TSC22D1: variants seen among roughly 807,000 people sequenced by gnomAD.
TSC22D1 encodes TSC22 domain family member 1, also known as TSC22 domain family protein 1.
In TSC22D1, 9 loss-of-function variants were observed where a neutral mutation model predicts 74.2. That is an observed-to-expected ratio of 0.12 (90% CI 0.07 to 0.21). TSC22D1 has a LOEUF of 0.21. TSC22D1 is among the 10% of genes least tolerant of loss of function. The pLI is 1.00. For missense variants in TSC22D1, 1,427 were observed against 1,304.7 expected (o/e 1.09, Z -1.44); for synonymous variants, 586 against 492.5 (o/e 1.19, Z -2.51).
At chr13:44,482,917 T>A (rs1420131767) in intron 1 of TSC22D1, among the ~76,000 whole-genome samples, 1 of 152,228 alleles carries the variant, frequency 6.6e-6, no homozygotes, top group African/African-American at 2.4e-5. Flanking sequence ...GAAAGATATT[T>A]ATGCTTCACA....
At chr13:44,509,954 A>AAAAAAAAAAAAAAAAAAAC in intron 1 of TSC22D1, among the ~76,000 whole-genome samples, 3 of 147,514 alleles carry the variant, frequency 2.0e-5, no homozygotes, top group African/African-American at 5.0e-5. Context: ...AATAAGCAAA[A>AAAAAAAAAAAAAAAAAAAC]AAAAAAAAAA....
intron 1 of TSC22D1, among the ~76,000 whole-genome samples, chr13:44,549,570 C>T (rs896435397): frequency 6.6e-6 from 1 of 152,020 alleles, no homozygotes; most frequent in East Asian, 1.9e-4. Context: ...CTCAGGAGTT[C>T]AAGACCAGCC....
chr13:44,488,749 C>T (rs1878567680), intron 1 of TSC22D1, among the ~76,000 whole-genome samples: 2 of 151,980 alleles, frequency 1.3e-5, no homozygotes, highest in African/African-American at 4.8e-5. Context: ...ATACCATTGA[C>T]AAAAGAAACA....
chr13:44,513,245 GTCTC>G (rs1271955083), intron 1 of TSC22D1, among the ~76,000 whole-genome samples: 3 of 152,278 alleles, frequency 2.0e-5, no homozygotes, highest in South Asian at 2.1e-4. Context: ...AGAAGGGATT[GTCTC>G]TCTGATACCA....
intron 1 of TSC22D1, among the ~76,000 whole-genome samples, chr13:44,553,409 C>T (rs1041493306): frequency 2.0e-5 from 3 of 151,476 alleles, no homozygotes. Flanking sequence ...TTATAGATTT[C>T]AAAATCCAGT....
chr13:44,536,943 A>AAAAAC, intron 1 of TSC22D1: 1 of 931,006 alleles, frequency 1.1e-6, no homozygotes, highest in Non-Finnish European at 1.3e-6. Flanking sequence ...AAAAAAAAAA[A>AAAAAC]AAAAAAAAAA....
intron 1 of TSC22D1, chr13:44,474,308 C>T (rs1877772602): frequency 1.0e-6 from 1 of 984,668 alleles, no homozygotes; most frequent in African/African-American, 1.7e-5. Context: ...GCCCAACTGA[C>T]ACTCCTGGTG....
chr13:44,540,719 G>C (rs1177388615), intron 1 of TSC22D1, among the ~76,000 whole-genome samples: 2 of 152,112 alleles, frequency 1.3e-5, no homozygotes, highest in African/African-American at 4.8e-5. Context: ...AAAGATACTA[G>C]AAAATAGTTA....
intron 1 of TSC22D1, chr13:44,437,202 C>A: frequency 2.0e-6 from 2 of 985,528 alleles, no homozygotes; most frequent in Non-Finnish European, 2.4e-6. Flanking sequence ...CCCCGGTCCC[C>A]GGAGCTGTGT....
intron 1 of TSC22D1, chr13:44,436,711 T>G: frequency 2.6e-6 from 4 of 1,521,720 alleles, no homozygotes; most frequent in African/African-American, 1.4e-5. Flanking sequence ...TCTTCTGGCT[T>G]TCCGCAGCCC....
intron 1 of TSC22D1, among the ~76,000 whole-genome samples, chr13:44,525,586 C>T (rs1054879773): frequency 6.6e-6 from 1 of 152,004 alleles, no homozygotes; most frequent in Admixed American, 6.6e-5. Context: ...AAGACCCTGT[C>T]TCTAAAAAAG....
chr13:44,512,320 T>C (rs1370045726), intron 1 of TSC22D1, among the ~76,000 whole-genome samples: 1 of 150,436 alleles, frequency 6.6e-6, no homozygotes, highest in African/African-American at 2.4e-5. Context: ...CAGGCGCCCA[T>C]CACCGCGCCC....
Position 44,574,213 on chromosome 13 carries a change from G to A in TSC22D1, c.1862C>T (p.Ala621Val). The A allele has an allele frequency of 6.2e-7, 1 of 1,614,240 alleles. No individual in the cohort carries two copies. The highest frequency in any genetic ancestry group is 8.5e-7 in the Non-Finnish European group (1 of 1,180,044). ...ATACTGTAACTGTTGGGGTGGTGGTGCCCCTGGAAGGGGAGTTTGCACTGG... is the reference window on the plus strand; with the variant it reads ...ATACTGTAACTGTTGGGGTGGTGGTACCCCTGGAAGGGGAGTTTGCACTGG... The part of the protein sequence containing the change: ...APPVQTPLPG[A>V]PPPQQLQYGQ... Residue 621 changes from alanine (A) to valine (V), a missense_variant, in exon 1 of 3, where the codon GCA becomes GTA. Ala to Val is a moderately conservative substitution (Grantham distance 64). Coordinates refer to ENST00000458659, the MANE Select transcript of TSC22D1 (RefSeq NM_183422.4).
intron 1 of TSC22D1, among the ~76,000 whole-genome samples, chr13:44,509,508 C>T (rs548209003): frequency 2.0e-5 from 3 of 152,254 alleles, no homozygotes; most frequent in East Asian, 3.9e-4. Context: ...GACGTGGTGG[C>T]GGGCGCCTGT....
chr13:44,478,894 A>AGTGT (rs60733643), intron 1 of TSC22D1, among the ~76,000 whole-genome samples: 13,503 of 150,120 alleles, frequency 0.09, 756 homozygotes, highest in Non-Finnish European at 0.13. Context: ...ACACACAGGT[A>AGTGT]GTGTGTGTGT....
rs759094000 is a variant in TSC22D1 at position 44,574,152 on chromosome 13, G to T, written c.1923C>A (p.Ala641=). ...GAGTCACTGATTTGACATGGCCTGG[G>T]GCCATCTGTGTAGAAACCATTGGTT... ...QQQPMVSTQM[A]PGHVKSVTQN... The change falls in exon 1 of 3, where the codon GCC becomes GCA. Residue 641 remains alanine, a synonymous_variant. Transcript: ENST00000458659. The T allele has an allele frequency of 6.2e-6, 10 of 1,614,218 alleles. 1 individual carries two copies. In the South Asian group the frequency reaches 9.9e-5, roughly 16 times the overall value.
chr13:44,520,226 A>C (rs1231739800), intron 1 of TSC22D1, among the ~76,000 whole-genome samples: 1 of 152,216 alleles, frequency 6.6e-6, no homozygotes, highest in Non-Finnish European at 1.5e-5. Context: ...AGGTAGAGTG[A>C]GAATGAGTCT....
intron 1 of TSC22D1, among the ~76,000 whole-genome samples, chr13:44,480,528 G>T (rs759146115): frequency 1.3e-5 from 2 of 152,204 alleles, no homozygotes; most frequent in Non-Finnish European, 2.9e-5. Context: ...AGGACCAGCT[G>T]TTGAGAATAA....
At chr13:44,557,302 A>C (rs559153685) in intron 1 of TSC22D1, among the ~76,000 whole-genome samples, 13 of 151,528 alleles carry the variant, frequency 8.6e-5, no homozygotes, top group Non-Finnish European at 1.5e-5. Flanking sequence ...CTCTACTAAA[A>C]ATACAAAAAT....
Sources: gnomAD v4.1 joint callset for allele counts (sites outside exome capture counted in the v4.1 genomes callset) on GRCh38, gnomAD v4.1.1 for gene constraint, MANE v1.5 for transcripts, NCBI Gene and HGNC (gene_info 2026-07-23, HGNC 2026-07-21) for gene names.